Variants in MMS22L observed in about 807,000 individuals in gnomAD.
MMS22L encodes protein MMS22-like.
Under a neutral mutation model 159.1 loss-of-function variants are expected in MMS22L, and 74 were observed. The ratio of observed to expected loss-of-function variants is 0.47; its 90% CI spans 0.39 to 0.56. MMS22L has a LOEUF of 0.56. Ranked by LOEUF, MMS22L falls within the 20% of genes least tolerant of loss-of-function variation. The pLI is 0.00. For missense variants in MMS22L, 1,351 were observed against 1,422.1 expected, an observed-to-expected ratio of 0.95 and a Z score of 0.80; for synonymous variants, 517 against 506.9, an observed-to-expected ratio of 1.02 and a Z score of -0.27.
At chr6:97,200,542 G>C (rs952491630) in intron 14 of MMS22L, among the ~76,000 whole-genome samples, 8 of 151,958 alleles carry the variant, frequency 5.3e-5, no homozygotes, top group African/African-American at 1.9e-4. Context: ...CATGCTATTT[G>C]TACATGACAG....
chr6:97,245,523 C>A (rs905097376), intron 11 of MMS22L, among the ~76,000 whole-genome samples: 7 of 151,774 alleles, frequency 4.6e-5, no homozygotes, highest in Non-Finnish European at 1.0e-4. Flanking sequence ...AAAAAATATA[C>A]ATAAAAAACT....
chr6:97,267,195 T>C (rs1015052419), intron 8 of MMS22L: 4 of 152,110 alleles, frequency 2.6e-5, no homozygotes, highest in African/African-American at 9.7e-5. Context: ...TGTAAAAATA[T>C]TGATAATGCA....
chr6:97,160,019 A>G (rs1802272456), intron 22 of MMS22L, among the ~76,000 whole-genome samples: 1 of 128,786 alleles, frequency 7.8e-6, no homozygotes, highest in Admixed American at 9.6e-5. Flanking sequence ...TCCTTAGCCT[A>G]ATACTGTTTT....
rs1816640225 is a variant in MMS22L, at chr6:97,280,269, T to C, written c.290+968A>G. Among the ~76,000 whole-genome samples, 3 of 152,202 alleles carry C rather than the reference T, an allele frequency of 2.0e-5. No individual in the cohort carries two copies. In the South Asian group the frequency reaches 6.2e-4, roughly 31 times the overall value. ...TTCAATAACTGACTCCTGTTTAAAA[T>C]TACCTAAAATCTGAATATGAACTGT... On this transcript the variant is annotated intron_variant, in intron 3 of 24. Transcript: ENST00000683635.
chr6:97,153,032 A>T (rs555666199), intron 22 of MMS22L, among the ~76,000 whole-genome samples: 23 of 151,900 alleles, frequency 1.5e-4, no homozygotes, highest in African/African-American at 5.5e-4. Flanking sequence ...GTAGAGATGG[A>T]GGTCTCGCTA....
chr6:97,266,183 GA>G (rs1463875067), intron 8 of MMS22L: 3 of 152,152 alleles, frequency 2.0e-5, no homozygotes, highest in African/African-American at 4.8e-5. Flanking sequence ...CGCCAGAGAG[GA>G]AGTGGTGACA....
At chr6:97,243,734 G>T (rs1324022851) in intron 11 of MMS22L, among the ~76,000 whole-genome samples, 5 of 152,094 alleles carry the variant, frequency 3.3e-5, no homozygotes, top group African/African-American at 1.2e-4. Context: ...AAAGATCTGA[G>T]ATCCAAGGAC....
At chr6:97,212,221 C>T (rs1808459810) in intron 14 of MMS22L, among the ~76,000 whole-genome samples, 1 of 152,146 alleles carries the variant, frequency 6.6e-6, no homozygotes, top group Admixed American at 6.5e-5. Context: ...ATGGCAGGTA[C>T]TTGATGGGCA....
At chr6:97,218,083 T>A (rs1485068837) in intron 14 of MMS22L, among the ~76,000 whole-genome samples, 1 of 151,998 alleles carries the variant, frequency 6.6e-6, no homozygotes, top group East Asian at 1.9e-4. Flanking sequence ...GTGGAAAAAA[T>A]TCAATGATAA....
chr6:97,207,294 T>C lies in MMS22L; in HGVS notation c.2040-20604A>G, dbSNP rs149628713. Among the ~76,000 whole-genome samples the C allele has an allele frequency of 1.6e-3, 244 of 152,284 alleles. 1 individual carries two copies. Among genetic ancestry groups the C allele is most frequent in the East Asian group, 5.4e-3 (28 of 5,184 alleles). Reference sequence around the variant, plus strand: ...CACTCCTGGATTCAGAGGGCAATAATTGAAGGAATCAAGTGCTCCTCTGGT... The same window carrying C: ...CACTCCTGGATTCAGAGGGCAATAACTGAAGGAATCAAGTGCTCCTCTGGT... On this transcript the variant is annotated intron_variant, in intron 14 of 24. Coordinates refer to ENST00000683635, the MANE Select transcript of MMS22L (RefSeq NM_001350599.2).
In MMS22L at chr6:97,268,001, T is replaced by C; in HGVS notation, c.699A>G (p.Lys233=). The C allele has an allele frequency of 1.3e-6, 2 of 1,534,918 alleles. No individual in the cohort carries two copies. Among genetic ancestry groups the C allele is most frequent in the Non-Finnish European group, 1.7e-6 (2 of 1,143,052 alleles). The change falls in exon 8 of 25, where the codon AAA becomes AAG. Residue 233 remains lysine, a splice_region_variant and synonymous_variant. Coordinates refer to ENST00000683635, the MANE Select transcript of MMS22L (RefSeq NM_001350599.2). ...EILYMLGEKL[K]QVVYGHQFMN... is the part of the protein sequence containing the mutation. ...TAAACTGATGACCATATACAACTTG[T>C]TCTGAAAATGTAATAAAAATAGTTT...
intron 14 of MMS22L, among the ~76,000 whole-genome samples, chr6:97,203,510 C>G (rs1249519317): frequency 6.6e-6 from 1 of 152,156 alleles, no homozygotes; most frequent in African/African-American, 2.4e-5. Flanking sequence ...TTAGGACGTG[C>G]AAAGCCACAC....
At chr6:97,209,692 C>A (rs1172248712) in intron 14 of MMS22L, among the ~76,000 whole-genome samples, 2 of 151,948 alleles carry the variant, frequency 1.3e-5, no homozygotes, top group African/African-American at 4.8e-5. Flanking sequence ...TTGAATAACA[C>A]AGCTATCTCA....
At chr6:97,240,493 C>T (rs1489083925) in intron 11 of MMS22L, among the ~76,000 whole-genome samples, 1 of 152,184 alleles carries the variant, frequency 6.6e-6, no homozygotes, top group Non-Finnish European at 1.5e-5. Context: ...GTCACCTGAC[C>T]TACTTTTTTC....
intron 10 of MMS22L, among the ~76,000 whole-genome samples, chr6:97,252,162 A>G (rs1426470411): frequency 6.6e-6 from 1 of 152,144 alleles, no homozygotes; most frequent in Non-Finnish European, 1.5e-5. Context: ...TCCATATTAC[A>G]ATAGCAATGG....
At chr6:97,281,136 C>T in intron 3 of MMS22L, 101 bp downstream of exon 3, 1 of 1,144,400 alleles carries the variant, frequency 8.7e-7, no homozygotes, top group Non-Finnish European at 1.2e-6. Context: ...CAGCACAATT[C>T]CTCTGGTCTT....
intron 14 of MMS22L, among the ~76,000 whole-genome samples, chr6:97,221,003 C>T (rs918282208): frequency 2.1e-5 from 3 of 140,254 alleles, no homozygotes; most frequent in Non-Finnish European, 3.1e-5. Context: ...CACACACACA[C>T]GTCCATTGAT....
At chr6:97,196,765 T>G (rs773597192) in intron 14 of MMS22L, among the ~76,000 whole-genome samples, 4 of 152,128 alleles carry the variant, frequency 2.6e-5, no homozygotes, top group Non-Finnish European at 5.9e-5. Context: ...CTCTGAAATA[T>G]TTTCATTAAA....
chr6:97,265,137 C>G (rs1442077101), intron 8 of MMS22L: 1 of 152,204 alleles, frequency 6.6e-6, no homozygotes, highest in East Asian at 1.9e-4. Flanking sequence ...CACTACCTGA[C>G]TTCAAAATAT....
Sources: gnomAD v4.1 joint callset for allele counts (sites outside exome capture counted in the v4.1 genomes callset) on GRCh38, gnomAD v4.1.1 for gene constraint, MANE v1.5 for transcripts, NCBI Gene and HGNC (gene_info 2026-07-23, HGNC 2026-07-21) for gene names.